SMARCA4: variants seen among roughly 807,000 people sequenced by gnomAD.
SMARCA4 encodes SWI/SNF related BAF chromatin remodeling complex subunit ATPase 4.
SMARCA4 carries 31 observed loss-of-function variants against 193.9 expected under a neutral mutation model. That is an observed-to-expected ratio of 0.16 (90% CI 0.12 to 0.22). SMARCA4 has a LOEUF of 0.22. Among genes scored for constraint, SMARCA4 ranks in the 10% least tolerant of loss-of-function variants. SMARCA4 has a pLI of 1.00. For missense variants in SMARCA4, 1,148 were observed against 2,296.0 expected (o/e 0.50, Z 10.22); for synonymous variants, 942 against 933.1 (o/e 1.01, Z -0.17).
chr19:11,006,476 C>G (rs914227065), intron 13 of SMARCA4, among the ~76,000 whole-genome samples: 1 of 152,126 alleles, frequency 6.6e-6, no homozygotes, highest in African/African-American at 2.4e-5. Flanking sequence ...TAAAGCCAGG[C>G]GCGGTGTCTC....
intron 30 of SMARCA4, among the ~76,000 whole-genome samples, chr19:11,048,230 T>C (rs7248790): frequency 0.032 from 4,938 of 152,112 alleles, 135 homozygotes; most frequent in Non-Finnish European, 0.05. Context: ...TAATTGGATT[T>C]TTTTTTTTAT....
At chr19:10,962,917 C>T (rs1326909649) in intron 1 of SMARCA4, among the ~76,000 whole-genome samples, 2 of 152,148 alleles carry the variant, frequency 1.3e-5, no homozygotes, top group East Asian at 3.9e-4. Flanking sequence ...CAACTTGGTC[C>T]TTTCCGGTGT....
chr19:11,018,763 A>T, intron 16 of SMARCA4, 194 bp from the exon 17 acceptor site: 1 of 692,674 alleles, frequency 1.4e-6, no homozygotes, highest in Non-Finnish European at 2.7e-6. Flanking sequence ...CTGTCCTCTG[A>T]GGCAGAGCCC....
At chr19:10,988,617 CCTT>C (rs1195773064) in intron 6 of SMARCA4, among the ~76,000 whole-genome samples, 1 of 152,166 alleles carries the variant, frequency 6.6e-6, no homozygotes, top group African/African-American at 2.4e-5. Flanking sequence ...GTGCATGGCT[CCTT>C]CTACTCATTC....
chr19:10,999,540 C>A (rs2087425173), intron 11 of SMARCA4, among the ~76,000 whole-genome samples: 1 of 151,974 alleles, frequency 6.6e-6, no homozygotes, highest in Non-Finnish European at 1.5e-5. Context: ...CACCTGTGGT[C>A]CCAGCTACTT....
At position 11,061,821 on chromosome 19, in the gene SMARCA4, C is replaced by T. The variant is rs775709887; in HGVS notation, c.*5C>T. 6.8e-6 allele frequency: 11 copies of T among 1,613,740 alleles called. No individual in the cohort carries two copies. The highest frequency in any genetic ancestry group is 4.0e-5 in the African/African-American group (3 of 74,920). ...AGTGGCAGCGAAGAAGACTGAGCCC[C>T]GACATTCCAGTCTCGACCCCGAGCC... is the stretch of plus-strand genomic sequence containing the variant. On this transcript the variant is annotated 3_prime_UTR_variant, in exon 35 of 35. Coordinates refer to ENST00000344626, the MANE Select transcript of SMARCA4 (RefSeq NM_003072.5).
intron 30 of SMARCA4, among the ~76,000 whole-genome samples, chr19:11,051,301 A>T (rs2076244519): frequency 1.3e-5 from 2 of 152,134 alleles, no homozygotes; most frequent in Admixed American, 1.3e-4. Flanking sequence ...AAAGCTTAGG[A>T]CAGGACAATT....
intron 30 of SMARCA4, among the ~76,000 whole-genome samples, chr19:11,052,725 C>T (rs1253467149): frequency 1.3e-5 from 2 of 152,216 alleles, no homozygotes; most frequent in Admixed American, 6.5e-5. Flanking sequence ...GCGAACGCCC[C>T]TCAAGCTGCC....
At position 11,034,323 on chromosome 19, in the gene SMARCA4, C is replaced by T; in HGVS notation, c.3951+123C>T. The T allele has an allele frequency of 1.3e-6, 1 of 775,058 alleles. No homozygotes were observed. Among genetic ancestry groups the T allele is most frequent in the Non-Finnish European group, 2.3e-6 (1 of 443,406 alleles). The allele number at this position is 775,058 out of a possible 1,614,324, so 48.0% of individuals were successfully genotyped here. The stretch of plus-strand genomic sequence containing the variant: ...AGGTCAGGGAGCCAGGGACAGCTCA[C>T]AGTGCAGCCCACTCCCACCTCCAGA... On this transcript the variant is annotated intron_variant, in intron 28 of 34. Coordinates refer to ENST00000344626, the MANE Select transcript of SMARCA4 (RefSeq NM_003072.5). This position sits in a 1 kb window ranked among gnomAD's most constrained non-coding sequence, Gnocchi z 7.0.
At position 10,991,125 on chromosome 19, in the gene SMARCA4, G is replaced by T. The variant is rs752761046; in HGVS notation, c.1246-25G>T. ...GATGCCACAGAGCTGTGCAGTGCGC[G>T]GGCTTGTCCTCTTCCCTCCTACAGC... On this transcript the variant is annotated intron_variant, in intron 7 of 34. Coordinates refer to ENST00000344626, the MANE Select transcript of SMARCA4 (RefSeq NM_003072.5). The T allele has an allele frequency of 3.1e-6, 5 of 1,612,672 alleles. No individual in the cohort carries two copies. The South Asian group carries it at 4.4e-5, about 14-fold the overall frequency.
At position 11,046,668 on chromosome 19, in the gene SMARCA4, A is replaced by G. The variant is rs1365460485; in HGVS notation, c.4424+5108A>G. Among the ~76,000 whole-genome samples the G allele has an allele frequency of 2.0e-5, 3 of 152,170 alleles. No individual in the cohort carries two copies. The East Asian group carries it at 5.8e-4, about 29-fold the overall frequency. ...CAGGAAAGATAGTCGTTGAAAAGCT[A>G]CCTCAGCTGGGCGTAGTGGTCACGC... On this transcript the variant is annotated intron_variant, in intron 30 of 34. Coordinates refer to ENST00000344626, the MANE Select transcript of SMARCA4 (RefSeq NM_003072.5).
At chr19:11,025,661 C>A in intron 22 of SMARCA4, 153 bp downstream of exon 22, 1 of 671,736 alleles carries the variant, frequency 1.5e-6, no homozygotes, top group Non-Finnish European at 2.7e-6. Context: ...CTTCGCTTCA[C>A]CAGTGCTTAC....
rs566531015 is a variant in SMARCA4 at position 11,030,784 on chromosome 19, G to A, written c.3437G>A (p.Gly1146Asp). ...GMLLKTFNEP[G>D]SEYFIFLLST... Reference sequence around the variant, plus strand: ...CTGCTGAAAACCTTCAACGAGCCCGGCTCTGAGTACTTCATCTTCCTGCTC... The same window carrying A: ...CTGCTGAAAACCTTCAACGAGCCCGACTCTGAGTACTTCATCTTCCTGCTC... Residue 1146 changes from glycine to aspartate, a missense_variant, in exon 25 of 35, where the codon GGC becomes GAC. Coordinates refer to ENST00000344626, the MANE Select transcript of SMARCA4 (RefSeq NM_003072.5). This position sits in a 1 kb window ranked among gnomAD's most constrained non-coding sequence, Gnocchi z 5.5. 4.3e-6 allele frequency: 7 copies of A among 1,610,430 alleles called. No individual in the cohort carries two copies. The African/African-American group carries it at 8.0e-5, about 18-fold the overall frequency.
chr19:11,010,297 C>G, intron 14 of SMARCA4, 84 bp from the exon 15 acceptor site: 2 of 1,482,208 alleles, frequency 1.3e-6, no homozygotes, highest in South Asian at 2.3e-5. Flanking sequence ...GAAAGGGCCA[C>G]TCCGCAGAGC....
At chr19:11,029,863 A>G (rs2090521050) in intron 24 of SMARCA4, among the ~76,000 whole-genome samples, 1 of 151,972 alleles carries the variant, frequency 6.6e-6, no homozygotes, top group African/African-American at 2.4e-5. Flanking sequence ...TTTAGTAGAG[A>G]CGGGGTTTCA....
chr19:11,031,993 G>A lies in SMARCA4; in HGVS notation c.3546+1100G>A, dbSNP rs533071150. On this transcript the variant is annotated intron_variant, in intron 25 of 34. Transcript: ENST00000344626. The surrounding 1 kb of genome is among the most constrained non-coding windows in gnomAD (Gnocchi z 4.3). Reference sequence around the variant, plus strand: ...GTCGCTTGTCTGATGGGTGAATGCCGTGGTGGTCACTGGTGGCCCCTTTTA... The same window carrying A: ...GTCGCTTGTCTGATGGGTGAATGCCATGGTGGTCACTGGTGGCCCCTTTTA... 115 of 152,454 alleles carry A rather than the reference G, an allele frequency of 7.5e-4. No individual in the cohort carries two copies. Among genetic ancestry groups the A allele is most frequent in the Non-Finnish European group, 1.5e-3 (100 of 68,110 alleles). The allele number at this position is 152,454 out of a possible 1,614,324, so 9.4% of individuals were successfully genotyped here.
At chr19:10,970,245 C>T (rs12610374) in intron 1 of SMARCA4, among the ~76,000 whole-genome samples, 37,545 of 151,946 alleles carry the variant, frequency 0.25, 4,682 homozygotes, top group South Asian at 0.31. Flanking sequence ...GAGTCGTATC[C>T]GTTATAATAA....
chr19:11,045,217 G>A (rs563303293), intron 30 of SMARCA4, among the ~76,000 whole-genome samples: 44 of 152,340 alleles, frequency 2.9e-4, no homozygotes, highest in African/African-American at 9.9e-4. Flanking sequence ...CTACTCGGGA[G>A]GCTGAGGCGG....
chr19:11,019,774 C>A lies in SMARCA4; in HGVS notation c.2616+73C>A. On this transcript the variant is annotated intron_variant, in intron 18 of 34. Coordinates refer to ENST00000344626, the MANE Select transcript of SMARCA4 (RefSeq NM_003072.5). The surrounding 1 kb of genome is among the most constrained non-coding windows in gnomAD (Gnocchi z 6.1). ...ACGTGGGTCACGCTGCCCGTCTCCT[C>A]CAAAGCCCCTACAAGTTTCTTCCCG... is the stretch of plus-strand genomic sequence containing the variant. The A allele has an allele frequency of 9.7e-7, 1 of 1,029,412 alleles. No individual in the cohort carries two copies. 63.8% of individuals were successfully genotyped at this position (1,029,412 alleles called of 1,614,324 possible).
Sources: gnomAD v4.1 joint callset for allele counts (sites outside exome capture counted in the v4.1 genomes callset) on GRCh38, gnomAD v4.1.1 for gene constraint, Gnocchi (gnomAD v3.1) non-coding constraint, MANE v1.5 for transcripts, NCBI Gene and HGNC (gene_info 2026-07-23, HGNC 2026-07-21) for gene names.